The following CDH6 variants were observed in gnomAD, a reference collection of about 807,000 sequenced individuals.
CDH6 encodes the protein cadherin-6.
In CDH6, 31 loss-of-function variants were observed where a neutral mutation model predicts 78.0. That is an observed-to-expected ratio of 0.40 (90% CI 0.30 to 0.54). The LOEUF (loss-of-function observed/expected upper bound fraction) is 0.54. Ranked by LOEUF, CDH6 falls within the 20% of genes least tolerant of loss-of-function variation. The probability of loss-of-function intolerance (pLI) is 0.56; values close to 1 mark genes in which losing one functional copy is unlikely to be tolerated. For missense variants in CDH6, 724 were observed against 975.9 expected (o/e 0.74, Z 3.44); for synonymous variants, 376 against 368.8 (o/e 1.02, Z -0.23).
rs575383094 is a variant in CDH6 at position 31,290,531 on chromosome 5, TTC to T, written c.229-3429_229-3428del. Among the ~76,000 whole-genome samples the T allele has an allele frequency of 2.0e-3, 305 of 152,302 alleles. 3 individuals carry two copies. The highest frequency in any genetic ancestry group is 7.0e-3 in the African/African-American group (290 of 41,570). On this transcript the variant is annotated intron_variant, in intron 2 of 11. Coordinates refer to ENST00000265071, the MANE Select transcript of CDH6 (RefSeq NM_004932.4). ...AGCCTTTTATTTGTTGTTGTTTAACTTCTGTCTTTTACAGTGGCCATGATGGA... is the reference window on the plus strand; with the variant it reads ...AGCCTTTTATTTGTTGTTGTTTAACTTGTCTTTTACAGTGGCCATGATGGA...
rs992374547 is a variant in CDH6, at chr5:31,325,353, C to T, written c.*2045C>T. The T allele has an allele frequency of 9.4e-6, 2 of 213,586 alleles. No individual in the cohort carries two copies. The highest frequency in any genetic ancestry group is 6.2e-5 in the Admixed American group (1 of 16,028). The allele number at this position is 213,586 out of a possible 1,614,324, so 13.2% of individuals were successfully genotyped here. A position where few individuals can be genotyped will look rare whatever the true frequency, so the allele number is the denominator to read the frequency against. On this transcript the variant is annotated 3_prime_UTR_variant, in exon 12 of 12. Coordinates refer to ENST00000265071, the MANE Select transcript of CDH6 (RefSeq NM_004932.4). ...ACACACACACACACACACACACACA[C>T]ACGAATGCAAACAAAAGGCTATATG...
intron 10 of CDH6, 64 bp from the exon 11 acceptor site, chr5:31,317,609 C>T (rs1738360473): frequency 6.4e-7 from 1 of 1,571,142 alleles, no homozygotes; most frequent in Non-Finnish European, 8.7e-7. Flanking sequence ...CTTTTCTTAT[C>T]ACAGTTGATT....
At chr5:31,262,706 T>C (rs1339748354) in intron 1 of CDH6, among the ~76,000 whole-genome samples, 3 of 152,190 alleles carry the variant, frequency 2.0e-5, no homozygotes, top group African/African-American at 7.2e-5. Context: ...TCTTCAGGTA[T>C]TTTGTGATTG....
At chr5:31,302,955 G>GAAAGA (rs1390790947) in intron 6 of CDH6, among the ~76,000 whole-genome samples, 1 of 122,398 alleles carries the variant, frequency 8.2e-6, no homozygotes. Flanking sequence ...AAGAAAGAAA[G>GAAAGA]AAGGAAAGAA....
chr5:31,271,364 C>A (rs1365207437), intron 2 of CDH6, among the ~76,000 whole-genome samples: 1 of 152,086 alleles, frequency 6.6e-6, no homozygotes, highest in Non-Finnish European at 1.5e-5. Context: ...CAAGATGGTG[C>A]TTTACAACTG....
At chr5:31,250,352 T>C (rs1394155751) in intron 1 of CDH6, 1 of 152,412 alleles carries the variant, frequency 6.6e-6, no homozygotes, top group Non-Finnish European at 1.5e-5. Context: ...ACCTCACACA[T>C]GCTTTGGTTC....
chr5:31,289,628 A>G (rs1743102644), intron 2 of CDH6, among the ~76,000 whole-genome samples: 1 of 152,078 alleles, frequency 6.6e-6, no homozygotes, highest in Non-Finnish European at 1.5e-5. Context: ...CCACACCCTC[A>G]CCAACATTGT....
At chr5:31,313,820 G>A (rs1379719039) in intron 8 of CDH6, among the ~76,000 whole-genome samples, 1 of 152,160 alleles carries the variant, frequency 6.6e-6, no homozygotes, top group African/African-American at 2.4e-5. Context: ...AAAGATGAGA[G>A]GGGTCAAGTA....
At chr5:31,306,298 C>T (rs1055481596) in intron 7 of CDH6, among the ~76,000 whole-genome samples, 2 of 152,164 alleles carry the variant, frequency 1.3e-5, no homozygotes, top group African/African-American at 4.8e-5. Flanking sequence ...CAAATGTATG[C>T]TACGTAAACT....
chr5:31,242,927 A>G (rs879802020), intron 1 of CDH6, among the ~76,000 whole-genome samples: 1 of 151,776 alleles, frequency 6.6e-6, no homozygotes, highest in Non-Finnish European at 1.5e-5. Context: ...ATGAGCAGTC[A>G]CAAAAAAATA....
chr5:31,326,036 C>G lies in CDH6; in HGVS notation c.*2728C>G, dbSNP rs889917461. 1.7e-5 allele frequency: 4 copies of G among 231,522 alleles called. No individual in the cohort carries two copies. The highest frequency in any genetic ancestry group is 8.9e-5 in the African/African-American group (4 of 45,140). 14.3% of individuals were successfully genotyped at this position (231,522 alleles called of 1,614,324 possible). ...CATGCGCAGGTTTTTTTTTTAATTG[C>G]TAGGTCCCAGGCAACATGAAAGATT... On this transcript the variant is annotated 3_prime_UTR_variant, in exon 12 of 12. Coordinates refer to ENST00000265071, the MANE Select transcript of CDH6 (RefSeq NM_004932.4).
intron 1 of CDH6, among the ~76,000 whole-genome samples, chr5:31,218,125 T>C (rs1443681679): frequency 6.6e-6 from 1 of 152,154 alleles, no homozygotes; most frequent in East Asian, 1.9e-4. Context: ...GTTAAAATCA[T>C]GGAAATACCA....
chr5:31,265,114 G>C (rs926254849), intron 1 of CDH6, among the ~76,000 whole-genome samples: 1 of 152,200 alleles, frequency 6.6e-6, no homozygotes, highest in African/African-American at 2.4e-5. Context: ...AATGGAGAAT[G>C]AGGGAAATTA....
chr5:31,255,597 C>T (rs1311931678), intron 1 of CDH6, among the ~76,000 whole-genome samples: 2 of 152,206 alleles, frequency 1.3e-5, no homozygotes, highest in Non-Finnish European at 2.9e-5. Context: ...AACACATTCT[C>T]TTCCTGTCTA....
intron 3 of CDH6, 64 bp from the exon 4 acceptor site, chr5:31,297,225 G>C (rs1737634589): frequency 2.7e-5 from 38 of 1,393,568 alleles, no homozygotes; most frequent in Non-Finnish European, 3.8e-5. Context: ...TGCTGGTTTT[G>C]GTGTGTGTCA....
Position 31,325,768 on chromosome 5 carries a change from G to A in CDH6, c.*2460G>A, listed in dbSNP as rs1738611815. 1 of 230,958 alleles carries A rather than the reference G, an allele frequency of 4.3e-6. No homozygotes were observed. Among genetic ancestry groups the A allele is most frequent in the East Asian group, 6.2e-5 (1 of 16,192 alleles). 14.3% of individuals were successfully genotyped at this position (230,958 alleles called of 1,614,324 possible). On this transcript the variant is annotated 3_prime_UTR_variant, in exon 12 of 12. Transcript: ENST00000265071. ...GAACAGGTTAATATGATTACTTATG[G>A]AAATAACTTTAATCTCTTATCATAA...
At chr5:31,249,507 T>A (rs1741850778) in intron 1 of CDH6, 1 of 152,250 alleles carries the variant, frequency 6.6e-6, no homozygotes, top group African/African-American at 2.4e-5. Flanking sequence ...TTTTCCATAA[T>A]GTGGCCATCC....
intron 1 of CDH6, among the ~76,000 whole-genome samples, chr5:31,238,115 C>T (rs1198101553): frequency 6.6e-6 from 1 of 152,158 alleles, no homozygotes; most frequent in African/African-American, 2.4e-5. Context: ...TTCAGATATT[C>T]TTGCAATTTT....
intron 2 of CDH6, among the ~76,000 whole-genome samples, chr5:31,290,675 G>GA: frequency 6.6e-6 from 1 of 152,118 alleles, no homozygotes; most frequent in South Asian, 2.1e-4. Flanking sequence ...TTTTTCCCAA[G>GA]AAAAGAACTG....
Sources: gnomAD v4.1 joint callset for allele counts (sites outside exome capture counted in the v4.1 genomes callset) on GRCh38, gnomAD v4.1.1 for gene constraint, MANE v1.5 for transcripts, NCBI Gene and HGNC (gene_info 2026-07-23, HGNC 2026-07-21) for gene names.